The following RBFOX2 variants were observed in gnomAD, a reference collection of about 807,000 sequenced individuals.
RBFOX2 encodes RNA binding protein fox-1 homolog 2.
In RBFOX2, 10 loss-of-function variants were observed where a neutral mutation model predicts 49.1. That is an observed-to-expected ratio of 0.20 (90% CI 0.13 to 0.35). RBFOX2 has a LOEUF of 0.35. Ranked by LOEUF, RBFOX2 falls within the 10% of genes least tolerant of loss-of-function variation. The pLI, the probability that RBFOX2 is intolerant of heterozygous loss-of-function variation, is 1.00. For synonymous variants in RBFOX2, 183 were observed against 187.4 expected (o/e 0.98, Z 0.19); for missense variants, 323 against 486.9 (o/e 0.66, Z 3.17).
In RBFOX2 at chr22:35,759,238, G is replaced by T. The variant is rs537366639; in HGVS notation, c.887+650C>A. Among the ~76,000 whole-genome samples the T allele has an allele frequency of 2.0e-5, 3 of 152,284 alleles. No homozygotes were observed. The highest frequency in any genetic ancestry group is 7.2e-5 in the African/African-American group (3 of 41,556). Reference sequence around the variant, plus strand: ...GACACCCTCCATAAAAAAATCAAACGGTGAAGGATGCTCAGCTACAGTCGC... The same window carrying T: ...GACACCCTCCATAAAAAAATCAAACTGTGAAGGATGCTCAGCTACAGTCGC... On this transcript the variant is annotated intron_variant, in intron 9 of 11. Coordinates refer to ENST00000405409, the Ensembl canonical transcript of RBFOX2. The surrounding 1 kb of genome is among the most constrained non-coding windows in gnomAD (Gnocchi z 4.6).
chr22:35,764,599 A>C (rs994090375), intron 6 of RBFOX2, among the ~76,000 whole-genome samples: 2 of 151,902 alleles, frequency 1.3e-5, no homozygotes, highest in African/African-American at 2.4e-5. Flanking sequence ...AAAAAAAAAA[A>C]AAAACTCCAG....
intron 1 of RBFOX2, among the ~76,000 whole-genome samples, chr22:35,889,000 C>T (rs1603439539): frequency 6.6e-6 from 1 of 152,088 alleles, no homozygotes; most frequent in Non-Finnish European, 1.5e-5. Context: ...ATTAAAAATA[C>T]AAAAATTAGC....
chr22:35,765,562 G>A, intron 5 of RBFOX2, 79 bp from the exon 7 acceptor site: 1 of 737,312 alleles, frequency 1.4e-6, no homozygotes, highest in Non-Finnish European at 2.2e-6. Context: ...TCCAATAACA[G>A]AGTATTTAGT....
At chr22:35,783,112 C>G (rs1945552582) in intron 2 of RBFOX2, among the ~76,000 whole-genome samples, 1 of 152,190 alleles carries the variant, frequency 6.6e-6, no homozygotes, top group South Asian at 2.1e-4. Flanking sequence ...GTGAACTAAA[C>G]AACCTCTTTG....
intron 1 of RBFOX2, among the ~76,000 whole-genome samples, chr22:35,829,679 A>G (rs1021369381): frequency 1.3e-5 from 2 of 152,218 alleles, no homozygotes; most frequent in African/African-American, 4.8e-5. Context: ...CAAAAGTAGT[A>G]TGTAAAGAAT....
chr22:35,760,060 C>T, intron 8 of RBFOX2, 40 bp from the exon 10 acceptor site: 1 of 1,611,104 alleles, frequency 6.2e-7, no homozygotes, highest in South Asian at 1.1e-5. Context: ...TTTCAACTTG[C>T]ATTCAATAGA....
chr22:36,028,165 T>C, intron 1 of RBFOX2, 75 bp downstream of exon 1: 1 of 1,357,700 alleles, frequency 7.4e-7, no homozygotes, highest in African/African-American at 1.5e-5. Context: ...CCTCCCTCTC[T>C]CCAAGCCGGG....
upstream of RBFOX2, among the ~76,000 whole-genome samples, chr22:35,940,659 CATA>C (rs537761369): frequency 1.1e-3 from 171 of 152,162 alleles, 1 homozygote; most frequent in African/African-American, 3.9e-3. Context: ...AGCATTATTT[CATA>C]ATAACCAAAC....
intron 6 of RBFOX2, among the ~76,000 whole-genome samples, chr22:35,763,257 C>T (rs1015649589): frequency 6.6e-6 from 1 of 152,086 alleles, no homozygotes; most frequent in Non-Finnish European, 1.5e-5. Flanking sequence ...ATTGCCTGAG[C>T]ATTCCCTTTA....
intron 1 of RBFOX2, among the ~76,000 whole-genome samples, chr22:36,006,909 A>C (rs2058639708): frequency 6.6e-6 from 1 of 152,166 alleles, no homozygotes; most frequent in Non-Finnish European, 1.5e-5. Context: ...ACACTCCTCT[A>C]TCCACCACCA....
intron 2 of RBFOX2, among the ~76,000 whole-genome samples, chr22:35,801,407 A>C (rs934604679): frequency 2.0e-5 from 3 of 151,216 alleles, no homozygotes; most frequent in African/African-American, 7.3e-5. Context: ...TCAACTGTTC[A>C]AACTCTCTAT....
chr22:35,835,003 C>T (rs987823779), intron 1 of RBFOX2, among the ~76,000 whole-genome samples: 3 of 152,092 alleles, frequency 2.0e-5, no homozygotes, highest in African/African-American at 4.8e-5. Context: ...AGACACAATA[C>T]ATTGTGATGG....
intron 1 of RBFOX2, among the ~76,000 whole-genome samples, chr22:35,863,194 A>G (rs1248990343): frequency 6.6e-6 from 1 of 152,034 alleles, no homozygotes; most frequent in Non-Finnish European, 1.5e-5. Flanking sequence ...TTTACAAAAT[A>G]TGTTATTTTT....
chr22:35,893,123 T>C (rs1350053257), intron 1 of RBFOX2, among the ~76,000 whole-genome samples: 2 of 152,248 alleles, frequency 1.3e-5, no homozygotes, highest in South Asian at 2.1e-4. Context: ...TCAGGTGTCA[T>C]GGCATACATA....
chr22:35,885,843 ATTTTTTTTTTTTTTT>A (rs538674450), intron 1 of RBFOX2, among the ~76,000 whole-genome samples: 2 of 83,146 alleles, frequency 2.4e-5, no homozygotes, highest in Non-Finnish European at 4.6e-5. Context: ...CCCAAACCTA[ATTTTTTTTTTTTTTT>A]TTTTTTTTTT....
chr22:35,954,423 T>C (rs1184140821), intron 1 of RBFOX2, among the ~76,000 whole-genome samples: 1 of 152,200 alleles, frequency 6.6e-6, no homozygotes, highest in African/African-American at 2.4e-5. Context: ...GTATGCCTTA[T>C]TATCTATGGC....
At chr22:35,933,351 T>C (rs1343903725) in intron 1 of RBFOX2, among the ~76,000 whole-genome samples, 1 of 152,264 alleles carries the variant, frequency 6.6e-6, no homozygotes, top group Admixed American at 6.5e-5. Flanking sequence ...GTTGGGTTTT[T>C]TGTGTACCAC....
At chr22:35,921,776 G>C (rs1461468566) in intron 1 of RBFOX2, among the ~76,000 whole-genome samples, 1 of 152,182 alleles carries the variant, frequency 6.6e-6, no homozygotes, top group Non-Finnish European at 1.5e-5. Flanking sequence ...ACACAGATCA[G>C]ACAAATGAAG....
intron 1 of RBFOX2, chr22:35,994,889 T>C (rs536627787): frequency 6.6e-6 from 1 of 152,182 alleles, no homozygotes; most frequent in Admixed American, 6.5e-5. Context: ...ACACAGCAAG[T>C]CTAGAGGATT....
Sources: gnomAD v4.1 joint callset for allele counts (sites outside exome capture counted in the v4.1 genomes callset) on GRCh38, gnomAD v4.1.1 for gene constraint, Gnocchi (gnomAD v3.1) non-coding constraint, MANE v1.5 for transcripts, NCBI Gene and HGNC (gene_info 2026-07-23, HGNC 2026-07-21) for gene names.